The following CRNKL1 variants were observed in gnomAD, a reference collection of about 807,000 sequenced individuals.
The protein encoded by CRNKL1 is crooked neck-like protein 1.
CRNKL1 carries 35 observed loss-of-function variants against 103.7 expected under a neutral mutation model. The ratio of observed to expected loss-of-function variants is 0.34; its 90% confidence interval spans 0.26 to 0.45. The LOEUF (loss-of-function observed/expected upper bound fraction) is 0.45, where lower values mean the gene tolerates loss of function less well. CRNKL1 is among the 20% of genes least tolerant of loss of function. The probability of loss-of-function intolerance (pLI) is 1.00; values close to 1 mark genes in which losing one functional copy is unlikely to be tolerated. For missense variants in CRNKL1, 645 were observed against 836.0 expected (o/e 0.77, Z 2.82); for synonymous variants, 267 against 282.6 (o/e 0.94, Z 0.55).
chr20:20,052,848 T>C, upstream of CRNKL1: 1 of 871,628 alleles, frequency 1.1e-6, no homozygotes, highest in Non-Finnish European at 1.8e-6. Flanking sequence ...CTGCAATGCC[T>C]CGAGCATTGC....
rs1364077152 is a variant in CRNKL1 at position 20,036,107 on chromosome 20, G to C, written c.*88C>G. The C allele has an allele frequency of 9.9e-6, 13 of 1,313,662 alleles. No individual in the cohort carries two copies. The highest frequency in any genetic ancestry group is 4.6e-5 in the Admixed American group (2 of 43,662). The allele number at this position is 1,313,662 out of a possible 1,614,324, so 81.4% of individuals were successfully genotyped here. ...AAAGATACCAATCAATTTCTTACTG[G>C]TGAAATATATAAGAACTTCCAGGAG... On this transcript the variant is annotated 3_prime_UTR_variant, in exon 14 of 14. Transcript: ENST00000536226.
In CRNKL1 at chr20:20,039,493, G is replaced by T. The variant is rs147341496; in HGVS notation, c.1545+116C>A. On this transcript the variant is annotated intron_variant, in intron 11 of 13. Transcript: ENST00000536226. ...GTACAAGCCTAATCTGAGTAGAAGA[G>T]ACTAAGTTAGTTAGATCATCGTTAT... 6.2e-5 allele frequency: 79 copies of T among 1,279,834 alleles called. No homozygotes were observed. The African/African-American group carries it at 9.6e-4, about 16-fold the overall frequency. The allele number at this position is 1,279,834 out of a possible 1,614,324, so 79.3% of individuals were successfully genotyped here.
Position 20,052,355 on chromosome 20 carries a change from C to G in CRNKL1, c.-13G>C. Reference sequence around the variant, plus strand: ...TGGAGGCCGCCATGTCTGCAGCAGTCGACCTCTGGACACCTGTCCCCGGCA... The same window carrying G: ...TGGAGGCCGCCATGTCTGCAGCAGTGGACCTCTGGACACCTGTCCCCGGCA... On this transcript the variant is annotated 5_prime_UTR_variant, in exon 1 of 14. Coordinates refer to ENST00000536226, the MANE Select transcript of CRNKL1 (RefSeq NM_001278628.2). 2 of 1,614,030 alleles carry G rather than the reference C, an allele frequency of 1.2e-6. No individual in the cohort carries two copies. The highest frequency in any genetic ancestry group is 1.7e-6 in the Non-Finnish European group (2 of 1,180,024).
intron 12 of CRNKL1, 89 bp downstream of exon 12, chr20:20,038,260 A>G: frequency 2.5e-6 from 2 of 806,828 alleles, no homozygotes; most frequent in Non-Finnish European, 3.9e-6. Flanking sequence ...AAAAACAAAA[A>G]CCCAAACACT....
intron 12 of CRNKL1, among the ~76,000 whole-genome samples, chr20:20,038,143 A>G (rs1354490055): frequency 1.3e-5 from 2 of 151,812 alleles, no homozygotes; most frequent in African/African-American, 2.4e-5. Context: ...AGCTACTCAC[A>G]TGCAGCATAA....
rs529017008 is a variant in CRNKL1 at position 20,037,330 on chromosome 20, T to G, written c.1889A>C (p.Asp630Ala). 1.2e-6 allele frequency: 2 copies of G among 1,613,680 alleles called. No homozygotes were observed. Among genetic ancestry groups the G allele is most frequent in the South Asian group, 2.2e-5 (2 of 91,026 alleles). The change falls in exon 13 of 14, where the codon GAT (aspartate) becomes GCT (alanine). Residue 630 changes from aspartate (D) to alanine (A), a missense_variant. Transcript: ENST00000536226. ...KVKKRRKVQT[D>A]DGSDAGWEEY... ...CCAGGGCAGAGTTCTTACCCCATCA[T>G]CAGTCTGGACCTTTCTTCTCTTCTT... is the stretch of plus-strand genomic sequence containing the variant.
Position 20,042,187 on chromosome 20 carries a change from G to A in CRNKL1, c.1164+138C>T, listed in dbSNP as rs2043524273. 4.2e-6 allele frequency: 3 copies of A among 722,100 alleles called. No homozygotes were observed. In the South Asian group the frequency reaches 7.5e-5, roughly 18 times the overall value. The allele number at this position is 722,100 out of a possible 1,614,324, so 44.7% of individuals were successfully genotyped here. On this transcript the variant is annotated intron_variant, in intron 8 of 13. Coordinates refer to ENST00000536226, the MANE Select transcript of CRNKL1 (RefSeq NM_001278628.2). ...AATGTTGCAGAGCGAATATATAACT[G>A]TATGGATGAACAGAAGCCTATAAAA...
At chr20:20,050,668 A>G (rs1161493686) in intron 1 of CRNKL1, 46 bp from the exon 2 acceptor site, 24 of 1,539,882 alleles carry the variant, frequency 1.6e-5, no homozygotes, top group Non-Finnish European at 2.1e-5. Context: ...TGCTCTTCAC[A>G]CAAGGCTTAA....
intron 1 of CRNKL1, among the ~76,000 whole-genome samples, chr20:20,051,680 CA>C (rs1166505932): frequency 5.9e-5 from 9 of 152,214 alleles, no homozygotes; most frequent in Non-Finnish European, 1.3e-4. Flanking sequence ...GTAAAGGCTT[CA>C]AAGTCTGCCA....
rs143884554 is a variant in CRNKL1, at chr20:20,052,407, C to A, written c.-65G>T. 24 of 1,614,138 alleles carry A rather than the reference C, an allele frequency of 1.5e-5. No homozygotes were observed. The Middle Eastern group carries it at 9.9e-4, about 66-fold the overall frequency. ...GGACGCTAGAAATCGGCTCTGAGAGCTCACCGAAACCACAAAGCTTTCAGA... is the reference window on the plus strand; with the variant it reads ...GGACGCTAGAAATCGGCTCTGAGAGATCACCGAAACCACAAAGCTTTCAGA... On this transcript the variant is annotated 5_prime_UTR_variant, in exon 1 of 14. Coordinates refer to ENST00000536226, the MANE Select transcript of CRNKL1 (RefSeq NM_001278628.2).
Position 20,049,370 on chromosome 20 carries a change from T to C in CRNKL1, c.266A>G (p.Gln89Arg). ...TVISNWIKYAQWEESLKEIQR... is the reference protein window; with the variant it reads ...TVISNWIKYARWEESLKEIQR... ...AATCTCCTTTAGGCTTTCTTCCCAT[T>C]GTGCGTATTTTATCCAGTTACTAAT... The change falls in exon 3 of 14, where the codon CAA (glutamine) becomes CGA (arginine). Residue 89 changes from glutamine (Q) to arginine (R), a missense_variant. By Grantham distance (43) the Gln-to-Arg change is conservative. Coordinates refer to ENST00000536226, the MANE Select transcript of CRNKL1 (RefSeq NM_001278628.2). The C allele has an allele frequency of 6.2e-7, 1 of 1,601,892 alleles. No homozygotes were observed. Among genetic ancestry groups the C allele is most frequent in the Non-Finnish European group, 8.5e-7 (1 of 1,170,634 alleles).
At chr20:20,042,711 A>C (rs182148097) in intron 7 of CRNKL1, among the ~76,000 whole-genome samples, 195 bp from the exon 8 acceptor site, 220 of 152,372 alleles carry the variant, frequency 1.4e-3, no homozygotes, top group African/African-American at 4.9e-3. Context: ...AATACAGAGG[A>C]TAGATTACTG....
intron 1 of CRNKL1, among the ~76,000 whole-genome samples, chr20:20,051,835 C>T (rs923539003): frequency 6.6e-6 from 1 of 152,208 alleles, no homozygotes; most frequent in Admixed American, 6.5e-5. Context: ...ATTCAGCCTT[C>T]AAGTCTCAGC....
chr20:20,040,722 T>C lies in CRNKL1; in HGVS notation c.1269A>G (p.Ile423Met), dbSNP rs2043499355. Residue 423 changes from isoleucine (I) to methionine (M), a missense_variant, in exon 10 of 14, where the codon ATA becomes ATG. Physicochemically the swap from Ile to Met is conservative, Grantham distance 10 (BLOSUM62 1). Around this residue, in one of 2 missense-constraint regions of CRNKL1, gnomAD observed 582 missense variants for 707.7 expected, o/e 0.82. Transcript: ENST00000536226. ...TGGCTAATGACAGATTCTTCTGTCG[T>C]ATTTCAAACTGTGCATACAGTATCC... ...KMWILYAQFE[I>M]RQKNLSLARR... The C allele has an allele frequency of 6.2e-7, 1 of 1,612,156 alleles. No individual in the cohort carries two copies. Among genetic ancestry groups the C allele is most frequent in the Non-Finnish European group, 8.5e-7 (1 of 1,179,804 alleles).
rs1199903420 is a variant in CRNKL1 at position 20,036,177 on chromosome 20, T to C, written c.*18A>G. On this transcript the variant is annotated 3_prime_UTR_variant, in exon 14 of 14. Coordinates refer to ENST00000536226, the MANE Select transcript of CRNKL1 (RefSeq NM_001278628.2). ...TTAATTTATAAAAATAACAAAACAT[T>C]TGTCTATGAAAAAAAGATCAGGATT... 20 of 1,606,554 alleles carry C rather than the reference T, an allele frequency of 1.2e-5. No individual in the cohort carries two copies. The highest frequency in any genetic ancestry group is 2.2e-5 in the East Asian group (1 of 44,764).
chr20:20,052,194 C>A, intron 1 of CRNKL1, 98 bp downstream of exon 1: 1 of 1,052,832 alleles, frequency 9.5e-7, no homozygotes. Flanking sequence ...TGAGCCTTCT[C>A]CCCGGCGGGA....
At chr20:20,044,083 C>G (rs1335170358) in intron 6 of CRNKL1, among the ~76,000 whole-genome samples, 1 of 152,126 alleles carries the variant, frequency 6.6e-6, no homozygotes, top group East Asian at 1.9e-4. Flanking sequence ...TGCAACATGC[C>G]CTACCATTTC....
chr20:20,047,890 G>C lies in CRNKL1; in HGVS notation c.497C>G (p.Ala166Gly). The change falls in exon 5 of 14, where the codon GCC becomes GGC. Residue 166 changes from alanine to glycine, a missense_variant. Ala to Gly is a moderately conservative substitution (Grantham distance 60, BLOSUM62 0). Coordinates refer to ENST00000536226, the MANE Select transcript of CRNKL1 (RefSeq NM_001278628.2). ...TYMEEMLGNVAGARQVFERWM... is the reference protein window; with the variant it reads ...TYMEEMLGNVGGARQVFERWM... The stretch of plus-strand genomic sequence containing the variant: ...GCGCTCAAACACCTGCCGGGCACCG[G>C]CAACGTTTCCCAACATTTCCTCCAT... 2 of 1,614,240 alleles carry C rather than the reference G, an allele frequency of 1.2e-6. No individual in the cohort carries two copies. The highest frequency in any genetic ancestry group is 1.7e-6 in the Non-Finnish European group (2 of 1,180,042).
upstream of CRNKL1, chr20:20,052,564 A>G: frequency 6.2e-7 from 1 of 1,613,934 alleles, no homozygotes. Context: ...CAGCGCGTGG[A>G]GTGCGGCGTC....
Sources: gnomAD v4.1 joint callset for allele counts (sites outside exome capture counted in the v4.1 genomes callset) on GRCh38, gnomAD v4.1.1 for gene constraint, gnomAD v4.1.1 regional missense constraint, MANE v1.5 for transcripts, NCBI Gene and HGNC (gene_info 2026-07-23, HGNC 2026-07-21) for gene names.